NRXN1: variants seen among roughly 807,000 people sequenced by gnomAD.
NRXN1 encodes the protein neurexin 1.
NRXN1 carries 39 observed loss-of-function variants against 150.9 expected under a neutral mutation model. That is an observed-to-expected ratio of 0.26 (90% CI 0.20 to 0.34). The LOEUF (loss-of-function observed/expected upper bound fraction) is 0.34, where lower values mean the gene tolerates loss of function less well. Among genes scored for constraint, NRXN1 ranks in the 10% least tolerant of loss-of-function variants. The pLI, the probability that NRXN1 is intolerant of heterozygous loss-of-function variation, is 1.00. For missense variants in NRXN1, 1,815 were observed against 1,949.9 expected (o/e 0.93, Z 1.30); for synonymous variants, 924 against 757.0 (o/e 1.22, Z -3.62).
chr2:50,340,370 G>C (rs2077468738), intron 17 of NRXN1, among the ~76,000 whole-genome samples: 1 of 152,090 alleles, frequency 6.6e-6, no homozygotes, highest in African/African-American at 2.4e-5. Flanking sequence ...AGACCAGAAA[G>C]GGCTGGGCAA....
At chr2:50,941,314 T>C (rs944712906) in intron 2 of NRXN1, among the ~76,000 whole-genome samples, 6 of 152,126 alleles carry the variant, frequency 3.9e-5, no homozygotes, top group African/African-American at 1.4e-4. Context: ...GGGGTACTGC[T>C]ATAAAGGTAC....
intron 21 of NRXN1, among the ~76,000 whole-genome samples, chr2:49,972,292 A>T (rs568505986): frequency 6.6e-5 from 10 of 152,296 alleles, no homozygotes; most frequent in African/African-American, 2.4e-4. Flanking sequence ...TGAGAGATTA[A>T]TTTCATTTCA....
At chr2:50,551,928 G>T (rs114790859) in intron 9 of NRXN1, among the ~76,000 whole-genome samples, 240 of 152,076 alleles carry the variant, frequency 1.6e-3, no homozygotes, top group African/African-American at 5.6e-3. Flanking sequence ...CCAAATTTCA[G>T]TGTAAATGTG....
intron 15 of NRXN1, among the ~76,000 whole-genome samples, chr2:50,486,353 CGAAAACACTCAGTTTT>C (rs1467634997): frequency 2.0e-5 from 3 of 152,094 alleles, no homozygotes; most frequent in African/African-American, 7.2e-5. Flanking sequence ...GTTTTTCTCA[CGAAAACACTCAGTTTT>C]CTACAATACC....
chr2:50,840,671 A>T (rs1672741875), intron 5 of NRXN1, among the ~76,000 whole-genome samples: 1 of 152,160 alleles, frequency 6.6e-6, no homozygotes, highest in Non-Finnish European at 1.5e-5. Flanking sequence ...AAGAGAAGCG[A>T]CATGGACAAG....
At chr2:50,578,315 A>G (rs1383110763) in intron 8 of NRXN1, among the ~76,000 whole-genome samples, 3 of 152,198 alleles carry the variant, frequency 2.0e-5, no homozygotes, top group African/African-American at 7.2e-5. Flanking sequence ...GAAAGTCCAC[A>G]TAGGAAGGGT....
chr2:50,901,841 A>G (rs1683000947), intron 5 of NRXN1, among the ~76,000 whole-genome samples: 2 of 152,216 alleles, frequency 1.3e-5, no homozygotes, highest in Admixed American at 1.3e-4. Flanking sequence ...TGTATTCACT[A>G]AATAGGTTTT....
chr2:50,315,061 G>T (rs1168283042), intron 17 of NRXN1, among the ~76,000 whole-genome samples: 4 of 151,922 alleles, frequency 2.6e-5, no homozygotes, highest in Admixed American at 6.6e-5. Context: ...AACCAGTTCG[G>T]TGTATATTCT....
At chr2:50,766,768 C>G (rs1375563800) in intron 5 of NRXN1, among the ~76,000 whole-genome samples, 1 of 151,966 alleles carries the variant, frequency 6.6e-6, no homozygotes, top group Non-Finnish European at 1.5e-5. Context: ...ATTACCAGGA[C>G]TACATTGTTT....
chr2:51,002,625 G>GA (rs1700217057), intron 2 of NRXN1, among the ~76,000 whole-genome samples: 1 of 151,840 alleles, frequency 6.6e-6, no homozygotes, highest in African/African-American at 2.4e-5. Flanking sequence ...ACAGGCAAGG[G>GA]AAAAAATTCT....
At chr2:50,366,960 C>T (rs1485673579) in intron 17 of NRXN1, among the ~76,000 whole-genome samples, 2 of 152,110 alleles carry the variant, frequency 1.3e-5, no homozygotes, top group South Asian at 2.1e-4. Context: ...AAGCTAAATA[C>T]ACGCCTAATG....
chr2:50,623,659 T>A, intron 5 of NRXN1, 44 bp from the exon 6 acceptor site: 1 of 1,408,892 alleles, frequency 7.1e-7, no homozygotes, highest in Non-Finnish European at 9.8e-7. Flanking sequence ...ACAAATACAC[T>A]ATGCAAATCA....
At chr2:50,683,590 C>G (rs1371097395) in intron 5 of NRXN1, among the ~76,000 whole-genome samples, 2 of 122,338 alleles carry the variant, frequency 1.6e-5, no homozygotes, top group Non-Finnish European at 3.3e-5. Flanking sequence ...CAAGATCAAG[C>G]CACTGCACTC....
intron 2 of NRXN1, among the ~76,000 whole-genome samples, chr2:50,985,870 T>C (rs1162447158): frequency 6.6e-6 from 1 of 151,860 alleles, no homozygotes; most frequent in Non-Finnish European, 1.5e-5. Context: ...ATAAACATAT[T>C]TGTCCCATAT....
chr2:50,820,524 G>A (rs1404226984), intron 5 of NRXN1, among the ~76,000 whole-genome samples: 1 of 152,018 alleles, frequency 6.6e-6, no homozygotes, highest in Non-Finnish European at 1.5e-5. Context: ...TTAACTTTTT[G>A]AACAGATAAT....
intron 21 of NRXN1, among the ~76,000 whole-genome samples, chr2:50,035,589 A>G (rs1214012983): frequency 6.6e-6 from 1 of 152,140 alleles, no homozygotes; most frequent in Non-Finnish European, 1.5e-5. Context: ...ATTATTGGCT[A>G]TGATTTGAAT....
In NRXN1 at chr2:50,346,626, C is replaced by T; in HGVS notation, c.3365-109656G>A. On this transcript the variant is annotated intron_variant, in intron 17 of 22. Coordinates refer to ENST00000401669, the MANE Select transcript of NRXN1 (RefSeq NM_001330078.2). The surrounding 1 kb of genome is among the most constrained non-coding windows in gnomAD (Gnocchi z 5.0). ...TCTCTGAGCCTTAGGAGCCCAGGAGCGAGTGCAGGGTAGAAAGAGGGGAGC... is the reference window on the plus strand; with the variant it reads ...TCTCTGAGCCTTAGGAGCCCAGGAGTGAGTGCAGGGTAGAAAGAGGGGAGC... 2 of 1,545,224 alleles carry T rather than the reference C, an allele frequency of 1.3e-6. No homozygotes were observed. Among genetic ancestry groups the T allele is most frequent in the Non-Finnish European group, 1.8e-6 (2 of 1,119,766 alleles).
At chr2:50,692,163 G>GA (rs538488599) in intron 5 of NRXN1, among the ~76,000 whole-genome samples, 170 of 149,984 alleles carry the variant, frequency 1.1e-3, no homozygotes, top group Non-Finnish European at 1.6e-3. Context: ...AAATTTTACA[G>GA]AAAAAAAAAT....
intron 5 of NRXN1, among the ~76,000 whole-genome samples, chr2:50,914,273 G>A (rs531642929): frequency 2.0e-5 from 3 of 151,588 alleles, no homozygotes; most frequent in South Asian, 2.1e-4. Flanking sequence ...TGATGATCTC[G>A]GAAGAATGAA....
Sources: allele counts gnomAD v4.1 joint callset (sites outside exome capture counted in the v4.1 genomes callset), GRCh38; gene constraint gnomAD v4.1.1; non-coding constraint Gnocchi (gnomAD v3.1); transcripts MANE v1.5; gene names NCBI Gene and HGNC (gene_info 2026-07-23, HGNC 2026-07-21).